The following IL1RAPL2 variants were observed in gnomAD, a reference collection of about 807,000 sequenced individuals.
IL1RAPL2 encodes the protein X-linked interleukin-1 receptor accessory protein-like 2.
IL1RAPL2 carries 3 observed loss-of-function variants against 44.1 expected under a neutral mutation model. The ratio of observed to expected loss-of-function variants is 0.07; its 90% CI spans 0.03 to 0.18. IL1RAPL2 has a LOEUF of 0.18. Ranked by LOEUF, IL1RAPL2 falls within the 10% of genes least tolerant of loss-of-function variation. The pLI is 1.00. For missense variants in IL1RAPL2, 391 were observed against 496.4 expected (o/e 0.79, Z 2.02); for synonymous variants, 181 against 178.8 (o/e 1.01, Z -0.10).
chrX:104,937,855 T>C (rs1000086804), intron 2 of IL1RAPL2, among the ~76,000 whole-genome samples: 2 of 112,610 alleles, frequency 1.8e-5, no homozygotes, highest in South Asian at 3.7e-4. Context: ...TCTATCTTAC[T>C]AAAGTAGTGA....
intron 2 of IL1RAPL2, among the ~76,000 whole-genome samples, chrX:104,756,724 G>A (rs934791908): frequency 9.1e-6 from 1 of 110,168 alleles, no homozygotes; most frequent in Non-Finnish European, 1.9e-5. Flanking sequence ...AAAAGTGAAG[G>A]AAGGAGATTG....
At chrX:104,589,817 A>G (rs1297265460) in intron 1 of IL1RAPL2, among the ~76,000 whole-genome samples, 2 of 111,134 alleles carry the variant, frequency 1.8e-5, no homozygotes, top group Admixed American at 9.6e-5. Flanking sequence ...TGCCTTAGTA[A>G]GACCCTCTAA....
chrX:105,212,711 C>T (rs937950970), intron 3 of IL1RAPL2, among the ~76,000 whole-genome samples: 1 of 112,022 alleles, frequency 8.9e-6, no homozygotes, highest in Admixed American at 9.4e-5. Flanking sequence ...GGTTGACAGA[C>T]ACCTCATACA....
intron 5 of IL1RAPL2, among the ~76,000 whole-genome samples, chrX:105,357,571 G>C (rs2035212483): frequency 9.1e-6 from 1 of 110,470 alleles, no homozygotes; most frequent in Admixed American, 9.8e-5. Flanking sequence ...AAAGGGAATG[G>C]TTGTTGCTCT....
At chrX:104,572,216 T>C in intron 1 of IL1RAPL2, among the ~76,000 whole-genome samples, 1 of 111,906 alleles carries the variant, frequency 8.9e-6, no homozygotes, top group East Asian at 2.8e-4. Flanking sequence ...TGCTCTGGGG[T>C]CCTGGCTCAG....
chrX:105,280,231 G>A (rs1471554873), intron 5 of IL1RAPL2, among the ~76,000 whole-genome samples: 2 of 111,775 alleles, frequency 1.8e-5, no homozygotes, highest in Non-Finnish European at 3.8e-5. Context: ...GCCACATGCA[G>A]AAAACTGAAA....
chrX:105,526,438 A>T (rs1439445016), intron 6 of IL1RAPL2, among the ~76,000 whole-genome samples: 3 of 112,062 alleles, frequency 2.7e-5, no homozygotes, highest in African/African-American at 9.7e-5. Context: ...TTATTTAATA[A>T]CAGCTTTCAT....
At chrX:104,923,656 G>C (rs1924699834) in intron 2 of IL1RAPL2, among the ~76,000 whole-genome samples, 1 of 111,473 alleles carries the variant, frequency 9.0e-6, no homozygotes, top group African/African-American at 3.3e-5. Flanking sequence ...TCAAAGGTGT[G>C]ATAAACATGG....
At chrX:104,921,966 C>G (rs990661624) in intron 2 of IL1RAPL2, among the ~76,000 whole-genome samples, 3 of 112,391 alleles carry the variant, frequency 2.7e-5, no homozygotes, top group African/African-American at 9.7e-5. Context: ...TGAGCGTGCT[C>G]TGTGGCACAG....
chrX:105,116,599 A>G lies in IL1RAPL2; in HGVS notation c.83-78876A>G, dbSNP rs746783820. Among the ~76,000 whole-genome samples, 16 of 112,505 alleles carry G rather than the reference A, an allele frequency of 1.4e-4. No homozygotes were observed. The East Asian group carries it at 4.5e-3, about 32-fold the overall frequency. On this transcript the variant is annotated intron_variant, in intron 2 of 10. Coordinates refer to ENST00000372582, the MANE Select transcript of IL1RAPL2 (RefSeq NM_017416.2). ...AGGACCCAAGGCAAGCATTCTGGGA[A>G]TGTAAGAATTTCTGTGGCTCATCCA... is the stretch of plus-strand genomic sequence containing the variant.
intron 2 of IL1RAPL2, among the ~76,000 whole-genome samples, chrX:105,085,657 A>T (rs749771746): frequency 9.0e-6 from 1 of 111,634 alleles, no homozygotes; most frequent in Non-Finnish European, 1.9e-5. Flanking sequence ...TGATCCAGCA[A>T]TTCCATTCCT....
chrX:104,823,590 T>C (rs1244015173), intron 2 of IL1RAPL2, among the ~76,000 whole-genome samples: 2 of 108,088 alleles, frequency 1.9e-5, no homozygotes, highest in African/African-American at 6.8e-5. Context: ...AGCAGCATGA[T>C]TTATAGTCCT....
At chrX:105,606,109 G>A (rs2037290939) in intron 6 of IL1RAPL2, among the ~76,000 whole-genome samples, 2 of 111,263 alleles carry the variant, frequency 1.8e-5, no homozygotes, top group African/African-American at 6.5e-5. Context: ...ACAATTAATA[G>A]AATGAAGAGA....
chrX:105,278,885 T>G (rs1386040217), intron 5 of IL1RAPL2, among the ~76,000 whole-genome samples: 1 of 111,486 alleles, frequency 9.0e-6, no homozygotes, highest in Non-Finnish European at 1.9e-5. Flanking sequence ...CCTGCTTGCC[T>G]GCCTGCTTCA....
chrX:105,123,907 TC>T (rs1390030988), intron 2 of IL1RAPL2, among the ~76,000 whole-genome samples: 1 of 110,997 alleles, frequency 9.0e-6, no homozygotes. Flanking sequence ...CCTGGGCCTC[TC>T]CCAAAATGAT....
At chrX:105,465,450 T>G (rs1172139586) in intron 5 of IL1RAPL2, among the ~76,000 whole-genome samples, 1 of 112,292 alleles carries the variant, frequency 8.9e-6, no homozygotes, top group East Asian at 2.8e-4. Flanking sequence ...CCAGATCCTT[T>G]AATAATAGAT....
chrX:105,433,939 TAAAG>T (rs1185188549), intron 5 of IL1RAPL2, among the ~76,000 whole-genome samples: 2 of 111,332 alleles, frequency 1.8e-5, no homozygotes, highest in Non-Finnish European at 3.8e-5. Flanking sequence ...TTTCATGAAA[TAAAG>T]AAAGACAAGT....
chrX:105,131,903 A>C (rs922622274), intron 2 of IL1RAPL2, among the ~76,000 whole-genome samples: 2 of 111,592 alleles, frequency 1.8e-5, no homozygotes, highest in African/African-American at 6.5e-5. Context: ...TGATAGCCAT[A>C]GTAGTCTTTT....
At chrX:104,661,324 C>T (rs745978134) in intron 2 of IL1RAPL2, among the ~76,000 whole-genome samples, 7 of 111,471 alleles carry the variant, frequency 6.3e-5, no homozygotes, top group Non-Finnish European at 1.1e-4. Flanking sequence ...CATTTGAATG[C>T]ACAGCTGGTT....
Sources: gnomAD v4.1 joint callset for allele counts (sites outside exome capture counted in the v4.1 genomes callset) on GRCh38, gnomAD v4.1.1 for gene constraint, MANE v1.5 for transcripts, NCBI Gene and HGNC (gene_info 2026-07-23, HGNC 2026-07-21) for gene names.